The following MAP2 variants were observed in gnomAD, a reference collection of about 807,000 sequenced individuals.
The protein encoded by MAP2 is microtubule associated protein 2.
Under a neutral mutation model 137.6 loss-of-function variants are expected in MAP2, and 14 were observed. That is an observed-to-expected ratio of 0.10 (90% CI 0.07 to 0.16). MAP2 has a LOEUF of 0.16. Among genes scored for constraint, MAP2 ranks in the 10% least tolerant of loss-of-function variants. The probability of loss-of-function intolerance (pLI) is 1.00; values close to 1 mark genes in which losing one functional copy is unlikely to be tolerated. For synonymous variants in MAP2, 786 were observed against 782.3 expected (o/e 1.00, Z -0.08); for missense variants, 2,088 against 2,191.5 (o/e 0.95, Z 0.94).
intron 2 of MAP2, among the ~76,000 whole-genome samples, chr2:209,514,684 AATTCTTTAT>A (rs1472434655): frequency 8.5e-5 from 13 of 152,124 alleles, no homozygotes; most frequent in African/African-American, 3.1e-4. Flanking sequence ...TTATGTAAGA[AATTCTTTAT>A]ATTCTACTTA....
chr2:209,690,459 G>C (rs2058509760), intron 7 of MAP2: 2 of 478,622 alleles, frequency 4.2e-6, no homozygotes, highest in South Asian at 4.3e-5. Context: ...ATATTAATTT[G>C]TTCATCCCAA....
At chr2:209,579,282 C>CCTGT (rs1553602731) in intron 2 of MAP2, 2 of 149,750 alleles carry the variant, frequency 1.3e-5, no homozygotes, top group Non-Finnish European at 3.0e-5. Flanking sequence ...TGCGTGCGTG[C>CCTGT]GTGTGTGTGT....
At chr2:209,727,747 T>C (rs2074580047) in intron 14 of MAP2, among the ~76,000 whole-genome samples, 1 of 152,172 alleles carries the variant, frequency 6.6e-6, no homozygotes, top group African/African-American at 2.4e-5. Flanking sequence ...TCTTTCACAA[T>C]TACTGCTCCT....
chr2:209,596,448 A>G (rs1440134038), intron 3 of MAP2, among the ~76,000 whole-genome samples: 1 of 152,206 alleles, frequency 6.6e-6, no homozygotes, highest in African/African-American at 2.4e-5. Flanking sequence ...TCTAACGTTG[A>G]CTATTTGCAG....
intron 3 of MAP2, among the ~76,000 whole-genome samples, chr2:209,619,341 A>G (rs1406336872): frequency 6.6e-6 from 1 of 152,204 alleles, no homozygotes; most frequent in African/African-American, 2.4e-5. Context: ...AGCTTGATTT[A>G]GCCATTCTAC....
Position 209,678,499 on chromosome 2 carries a change from G to A in MAP2, c.263-73G>A, listed in dbSNP as rs993234462. The A allele has an allele frequency of 1.4e-5, 10 of 709,072 alleles. No homozygotes were observed. The East Asian group carries it at 2.5e-4, about 18-fold the overall frequency. 43.9% of individuals were successfully genotyped at this position (709,072 alleles called of 1,614,324 possible). A position where few individuals can be genotyped will look rare whatever the true frequency, so the allele number is the denominator to read the frequency against. ...AAATGAAATTATAATCCACTATACT[G>A]TTTGGTTACTTTTCCTCTTTGCTTT... On this transcript the variant is annotated intron_variant, in intron 5 of 15. Coordinates refer to ENST00000682079, the MANE Select transcript of MAP2 (RefSeq NM_001375505.1).
At chr2:209,667,380 G>A (rs2046802887) in intron 5 of MAP2, among the ~76,000 whole-genome samples, 1 of 151,790 alleles carries the variant, frequency 6.6e-6, no homozygotes, top group South Asian at 2.1e-4. Flanking sequence ...TTTTTGGAAG[G>A]GGTGGTCTCT....
At chr2:209,637,805 A>C (rs1198999348) in intron 4 of MAP2, among the ~76,000 whole-genome samples, 1 of 152,154 alleles carries the variant, frequency 6.6e-6, no homozygotes, top group Non-Finnish European at 1.5e-5. Flanking sequence ...ATGTCTCCTT[A>C]AACTTTTTGT....
At chr2:209,536,583 C>A (rs527397092) in intron 2 of MAP2, among the ~76,000 whole-genome samples, 1 of 152,296 alleles carries the variant, frequency 6.6e-6, no homozygotes, top group South Asian at 2.1e-4. Context: ...TGGAATCCAG[C>A]AGCTTCTCAC....
At chr2:209,524,074 G>A (rs1464105116) in intron 2 of MAP2, among the ~76,000 whole-genome samples, 2 of 151,798 alleles carry the variant, frequency 1.3e-5, no homozygotes, top group Non-Finnish European at 2.9e-5. Flanking sequence ...ACAATTTAGT[G>A]CATCAAAAAC....
Position 209,730,492 on chromosome 2 carries a change from C to T in MAP2, c.*95C>T, listed in dbSNP as rs2075640180. 2 of 826,412 alleles carry T rather than the reference C, an allele frequency of 2.4e-6. No homozygotes were observed. The highest frequency in any genetic ancestry group is 3.8e-6 in the Non-Finnish European group (2 of 522,912). The allele number at this position is 826,412 out of a possible 1,614,324, so 51.2% of individuals were successfully genotyped here. On this transcript the variant is annotated 3_prime_UTR_variant, in exon 16 of 16. Transcript: ENST00000682079. ...GTTGTTATATTCATTCTTTATAAAC[C>T]ATAAAATAAATAATCTCATCCCCAA...
At chr2:209,699,614 G>T (rs1371610226) in intron 10 of MAP2, among the ~76,000 whole-genome samples, 4 of 152,108 alleles carry the variant, frequency 2.6e-5, no homozygotes, top group Admixed American at 2.6e-4. Context: ...TTTCATACAG[G>T]AAGTGCATGT....
At chr2:209,489,023 A>G (rs1206440914) in intron 1 of MAP2, among the ~76,000 whole-genome samples, 1 of 152,110 alleles carries the variant, frequency 6.6e-6, no homozygotes, top group Non-Finnish European at 1.5e-5. Context: ...GACGACACAC[A>G]CCTCATACAG....
At chr2:209,488,189 A>C (rs558559047) in intron 1 of MAP2, among the ~76,000 whole-genome samples, 1 of 151,616 alleles carries the variant, frequency 6.6e-6, no homozygotes, top group Non-Finnish European at 1.5e-5. Context: ...GGGTCAGGGA[A>C]CTCCTTCCCC....
At chr2:209,657,810 T>G (rs1175469072) in intron 5 of MAP2, among the ~76,000 whole-genome samples, 4 of 152,200 alleles carry the variant, frequency 2.6e-5, no homozygotes, top group Non-Finnish European at 5.9e-5. Flanking sequence ...CATTTACTTT[T>G]GGGGTGTTAG....
chr2:209,486,719 A>G (rs757520741), intron 1 of MAP2, among the ~76,000 whole-genome samples: 3 of 152,176 alleles, frequency 2.0e-5, no homozygotes, highest in Non-Finnish European at 2.9e-5. Context: ...CAAATATAAG[A>G]TTGTTTATAG....
intron 7 of MAP2, among the ~76,000 whole-genome samples, chr2:209,685,744 A>AT (rs1329450138): frequency 1.3e-5 from 2 of 152,140 alleles, no homozygotes; most frequent in Non-Finnish European, 2.9e-5. Context: ...ACCATTTACC[A>AT]TTTTTTTAAA....
At chr2:209,424,429 G>T (rs1225174174) in intron 1 of MAP2, among the ~76,000 whole-genome samples, 153 bp downstream of exon 1, 1 of 152,178 alleles carries the variant, frequency 6.6e-6, no homozygotes, top group East Asian at 1.9e-4. Flanking sequence ...GGCCAGCCGT[G>T]CACCTGGCGG....
chr2:209,484,416 G>A (rs2058106817), intron 1 of MAP2, among the ~76,000 whole-genome samples: 1 of 152,118 alleles, frequency 6.6e-6, no homozygotes, highest in African/African-American at 2.4e-5. Flanking sequence ...TGATGGCGAG[G>A]CGCAGTGGCT....
Sources: allele counts gnomAD v4.1 joint callset (sites outside exome capture counted in the v4.1 genomes callset), GRCh38; gene constraint gnomAD v4.1.1; transcripts MANE v1.5; gene names NCBI Gene and HGNC (gene_info 2026-07-23, HGNC 2026-07-21).